Variants in MMS22L observed in about 807,000 individuals in gnomAD.
MMS22L encodes MMS22 like, DNA repair protein.
A neutral mutation model predicts 159.1 loss-of-function variants in MMS22L; 74 were observed. The ratio of observed to expected loss-of-function variants is 0.47; its 90% CI spans 0.39 to 0.56. The LOEUF (loss-of-function observed/expected upper bound fraction) is 0.56. MMS22L is among the 20% of genes least tolerant of loss of function. The pLI, the probability that MMS22L is intolerant of heterozygous loss-of-function variation, is 0.00. For synonymous variants in MMS22L, 517 were observed against 506.9 expected (o/e 1.02, Z -0.27); for missense variants, 1,351 against 1,422.1 (o/e 0.95, Z 0.80).
chr6:97,197,563 C>T (rs1271089236), intron 14 of MMS22L, among the ~76,000 whole-genome samples: 1 of 152,058 alleles, frequency 6.6e-6, no homozygotes, highest in African/African-American at 2.4e-5. Flanking sequence ...AGTTGTTATA[C>T]TGGTTTTTGG....
At chr6:97,279,074 A>C (rs1178202021) in intron 3 of MMS22L, among the ~76,000 whole-genome samples, 176 bp from the exon 4 acceptor site, 1 of 152,256 alleles carries the variant, frequency 6.6e-6, no homozygotes, top group Middle Eastern at 3.2e-3. Context: ...AAACTTTAAG[A>C]AAAGATAAAA....
At chr6:97,277,836 G>C (rs1034385566) in intron 4 of MMS22L, among the ~76,000 whole-genome samples, 1 of 152,104 alleles carries the variant, frequency 6.6e-6, no homozygotes, top group Admixed American at 6.6e-5. Flanking sequence ...CTTGTAATGT[G>C]TATTTTTCCT....
intron 14 of MMS22L, among the ~76,000 whole-genome samples, chr6:97,188,536 T>C (rs1653988030): frequency 2.0e-5 from 3 of 152,304 alleles, no homozygotes; most frequent in South Asian, 4.1e-4. Context: ...AAAGGTCACA[T>C]GGCTAGAAAG....
chr6:97,221,772 CAT>C (rs1286030651), intron 14 of MMS22L, among the ~76,000 whole-genome samples: 2 of 151,966 alleles, frequency 1.3e-5, no homozygotes, highest in Admixed American at 6.6e-5. Flanking sequence ...AGGGCATACA[CAT>C]GTGTTTCCCA....
chr6:97,282,846 C>T (rs1816892038), intron 1 of MMS22L: 1 of 167,508 alleles, frequency 6.0e-6, no homozygotes, highest in East Asian at 1.7e-4. Context: ...TAGAACTGCG[C>T]CCTCCGCAAC....
intron 14 of MMS22L, among the ~76,000 whole-genome samples, chr6:97,221,528 T>C (rs1385808255): frequency 7.0e-6 from 1 of 143,420 alleles, no homozygotes; most frequent in Non-Finnish European, 1.5e-5. Context: ...TACTAATTTA[T>C]AGTATATATC....
chr6:97,159,660 G>A (rs1802217072), intron 22 of MMS22L, among the ~76,000 whole-genome samples: 1 of 151,934 alleles, frequency 6.6e-6, no homozygotes, highest in South Asian at 2.1e-4. Context: ...AAGTATTTGA[G>A]CTGACCTGAT....
intron 4 of MMS22L, 136 bp from the exon 5 acceptor site, chr6:97,273,198 C>A: frequency 1.5e-6 from 1 of 681,252 alleles, no homozygotes; most frequent in East Asian, 2.7e-5. Context: ...ATGGTTCTTG[C>A]TCCCCGCTAC....
intron 16 of MMS22L, 50 bp from the exon 17 acceptor site, chr6:97,179,609 T>G (rs1171575022): frequency 1.3e-6 from 2 of 1,515,716 alleles, no homozygotes; most frequent in Non-Finnish European, 1.8e-6. Context: ...GTTTCCTGAG[T>G]ATAGAGATTA....
At chr6:97,262,657 CAA>C (rs71012591) in intron 9 of MMS22L, among the ~76,000 whole-genome samples, 10 of 106,060 alleles carry the variant, frequency 9.4e-5, no homozygotes, top group Admixed American at 2.0e-4. Flanking sequence ...AAGACTGCCT[CAA>C]AAAAAAAAAA....
chr6:97,281,741 T>G (rs556601302), intron 2 of MMS22L, among the ~76,000 whole-genome samples: 9 of 152,336 alleles, frequency 5.9e-5, no homozygotes, highest in African/African-American at 2.2e-4. Context: ...ACTAATGAAG[T>G]TGAGTATTCT....
chr6:97,236,615 A>G (rs752668353), intron 11 of MMS22L, among the ~76,000 whole-genome samples: 2 of 152,094 alleles, frequency 1.3e-5, no homozygotes, highest in Non-Finnish European at 2.9e-5. Flanking sequence ...CCTAAATTTG[A>G]TTGTTCAAAA....
chr6:97,161,651 C>A (rs1405913195), intron 22 of MMS22L, among the ~76,000 whole-genome samples: 2 of 152,006 alleles, frequency 1.3e-5, no homozygotes, highest in African/African-American at 4.8e-5. Context: ...AGTATGATGA[C>A]CTCTCATTAC....
At chr6:97,189,551 C>CAAAAAA (rs67620002) in intron 14 of MMS22L, among the ~76,000 whole-genome samples, 7 of 55,226 alleles carry the variant, frequency 1.3e-4, no homozygotes, top group East Asian at 9.0e-4. Context: ...ACTCTGTCTC[C>CAAAAAA]AAAAAAAAAA....
chr6:97,272,406 A>C (rs1339811041), intron 6 of MMS22L: 1 of 235,136 alleles, frequency 4.3e-6, no homozygotes, highest in African/African-American at 2.3e-5. Context: ...TACTGTCATA[A>C]ATCAAGAGAA....
chr6:97,272,011 A>G (rs999229798), intron 6 of MMS22L: 1 of 152,202 alleles, frequency 6.6e-6, no homozygotes, highest in Non-Finnish European at 1.5e-5. Flanking sequence ...TAAAGAGTAA[A>G]TATTATTCAA....
chr6:97,197,969 TG>T (rs1806718754), intron 14 of MMS22L, among the ~76,000 whole-genome samples: 1 of 152,136 alleles, frequency 6.6e-6, no homozygotes, highest in South Asian at 2.1e-4. Flanking sequence ...CTGAAAAACG[TG>T]TAATTTTTAA....
chr6:97,229,472 A>G, intron 13 of MMS22L, 69 bp from the exon 14 acceptor site: 1 of 1,075,360 alleles, frequency 9.3e-7, no homozygotes, highest in Non-Finnish European at 1.3e-6. Context: ...CTTAAAAGAA[A>G]ATTTGTTTCA....
intron 6 of MMS22L, chr6:97,270,225 CTGCTGAATAGACTTGTATAG>C (rs1232944830): frequency 3.3e-6 from 2 of 605,094 alleles, no homozygotes; most frequent in Non-Finnish European, 6.1e-6. Flanking sequence ...CACCTTGGGG[CTGCTGAATAGACTTGTATAG>C]TAAAGGTACC....
Sources: allele counts gnomAD v4.1 joint callset (sites outside exome capture counted in the v4.1 genomes callset), GRCh38; gene constraint gnomAD v4.1.1; transcripts MANE v1.5; gene names NCBI Gene and HGNC (gene_info 2026-07-23, HGNC 2026-07-21).